DCLK1: variants seen among roughly 807,000 people sequenced by gnomAD.
DCLK1 encodes the protein serine/threonine-protein kinase DCLK1.
In DCLK1, 16 loss-of-function variants were observed where a neutral mutation model predicts 86.2. That is an observed-to-expected ratio of 0.19 (90% CI 0.13 to 0.28). DCLK1 has a LOEUF of 0.28. DCLK1 is among the 10% of genes least tolerant of loss of function. The pLI, the probability that DCLK1 is intolerant of heterozygous loss-of-function variation, is 1.00. For missense variants in DCLK1, 590 were observed against 940.2 expected (o/e 0.63, Z 4.87); for synonymous variants, 369 against 370.5 (o/e 1.00, Z 0.05).
chr13:35,884,983 C>T (rs775393847), intron 4 of DCLK1, among the ~76,000 whole-genome samples: 2 of 152,158 alleles, frequency 1.3e-5, no homozygotes, highest in Non-Finnish European at 2.9e-5. Flanking sequence ...GCAAGATGAG[C>T]CTGCCTTGTT....
intron 5 of DCLK1, among the ~76,000 whole-genome samples, chr13:35,867,965 G>GAAAGAAAGAAAGAAAGAAAGAA (rs1380990336): frequency 7.0e-6 from 1 of 142,814 alleles, no homozygotes. Context: ...AAGAAAGAAA[G>GAAAGAAAGAAAGAAAGAAAGAA]AGAAAAAGAA....
chr13:36,127,288 T>TA (rs1886221616), intron 1 of DCLK1, among the ~76,000 whole-genome samples: 1 of 152,034 alleles, frequency 6.6e-6, no homozygotes, highest in Non-Finnish European at 1.5e-5. Context: ...AAGTTGAGTT[T>TA]AAAAAAAGAA....
At position 35,822,746 on chromosome 13, in the gene DCLK1, T is replaced by C; in HGVS notation, c.1537A>G (p.Lys513Glu). The C allele has an allele frequency of 1.2e-6, 2 of 1,614,066 alleles. No individual in the cohort carries two copies. Among genetic ancestry groups the C allele is most frequent in the Non-Finnish European group, 1.7e-6 (2 of 1,179,996 alleles). Residue 513 changes from lysine (K) to glutamate (E), a missense_variant, in exon 11 of 17, where the codon AAG (lysine) becomes GAG (glutamate). By Grantham distance (56) the Lys-to-Glu change is moderately conservative. Coordinates refer to ENST00000360631, the MANE Select transcript of DCLK1 (RefSeq NM_001330071.2). Reference sequence around the variant, plus strand: ...CCTCTTACCAGCAGGTTCTCTGGCTTGATATCACGGTGGACGATGTTCAGG... The same window carrying C: ...CCTCTTACCAGCAGGTTCTCTGGCTCGATATCACGGTGGACGATGTTCAGG... Reference protein sequence around the residue: ...HSLNIVHRDIKPENLLVYEHQ... With the variant: ...HSLNIVHRDIEPENLLVYEHQ...
chr13:35,983,091 T>C (rs922517031), intron 3 of DCLK1, among the ~76,000 whole-genome samples: 4 of 152,018 alleles, frequency 2.6e-5, no homozygotes, highest in African/African-American at 9.7e-5. Flanking sequence ...CTGCTTTACC[T>C]ATCAAGCTTC....
intron 3 of DCLK1, among the ~76,000 whole-genome samples, chr13:36,071,472 A>G (rs1274392155): frequency 6.6e-6 from 1 of 152,162 alleles, no homozygotes; most frequent in Non-Finnish European, 1.5e-5. Flanking sequence ...GAGAGATGAA[A>G]TGGGGTAGAA....
intron 3 of DCLK1, among the ~76,000 whole-genome samples, chr13:35,957,479 C>A (rs1878054729): frequency 6.6e-6 from 1 of 152,112 alleles, no homozygotes; most frequent in Non-Finnish European, 1.5e-5. Flanking sequence ...AGAGACTTGA[C>A]ACATGATGTT....
intron 3 of DCLK1, among the ~76,000 whole-genome samples, chr13:35,969,737 G>T (rs936752818): frequency 1.3e-5 from 2 of 152,116 alleles, no homozygotes; most frequent in Non-Finnish European, 2.9e-5. Flanking sequence ...GTGGTGACTT[G>T]GTTGTTTGCT....
In DCLK1 at chr13:35,948,710, G is replaced by A. The variant is rs558999581; in HGVS notation, c.724-1253C>T. ...AGTTTTTAAAATGGAATTTCTATAAGAGTTTGATAATCAACATTAAGCACG... is the reference window on the plus strand; with the variant it reads ...AGTTTTTAAAATGGAATTTCTATAAAAGTTTGATAATCAACATTAAGCACG... On this transcript the variant is annotated intron_variant, in intron 3 of 16. Coordinates refer to ENST00000360631, the MANE Select transcript of DCLK1 (RefSeq NM_001330071.2). Among the ~76,000 whole-genome samples the A allele has an allele frequency of 2.6e-5, 4 of 152,240 alleles. No homozygotes were observed. The South Asian group carries it at 8.3e-4, about 32-fold the overall frequency.
At chr13:35,901,205 G>A (rs890409295) in intron 4 of DCLK1, among the ~76,000 whole-genome samples, 4 of 152,114 alleles carry the variant, frequency 2.6e-5, no homozygotes, top group Non-Finnish European at 5.9e-5. Flanking sequence ...TGACAGACTT[G>A]GCCAGGCATG....
At chr13:35,849,864 TG>T (rs1870482703) in intron 6 of DCLK1, 5 of 970,258 alleles carry the variant, frequency 5.2e-6, no homozygotes, top group South Asian at 4.8e-5. Context: ...TAGGTCTGTA[TG>T]GAAAAAAAAA....
chr13:35,788,108 G>C, intron 16 of DCLK1: 1 of 1,071,100 alleles, frequency 9.3e-7, no homozygotes, highest in Non-Finnish European at 1.5e-6. Context: ...ATATGGACTG[G>C]ATAACAAATC....
intron 4 of DCLK1, among the ~76,000 whole-genome samples, chr13:35,879,730 C>T (rs1872777555): frequency 6.6e-6 from 1 of 152,178 alleles, no homozygotes; most frequent in African/African-American, 2.4e-5. Flanking sequence ...AGACACCGGG[C>T]ATGAAAAGCT....
chr13:35,852,582 T>A (rs940984163), intron 6 of DCLK1, among the ~76,000 whole-genome samples: 5 of 152,198 alleles, frequency 3.3e-5, no homozygotes, highest in African/African-American at 4.8e-5. Flanking sequence ...AAATGAAGAA[T>A]CTATAAGAAA....
In DCLK1 at chr13:35,768,808, C is replaced by T. The variant is rs923368495; in HGVS notation, c.*5727G>A. 3.3e-5 allele frequency: 5 copies of T among 152,124 alleles called. No homozygotes were observed. Among genetic ancestry groups the T allele is most frequent in the Admixed American group, 2.0e-4 (3 of 15,268 alleles). The allele number at this position is 152,124 out of a possible 1,614,324, so 9.4% of individuals were successfully genotyped here. On this transcript the variant is annotated 3_prime_UTR_variant, in exon 17 of 17. Coordinates refer to ENST00000360631, the MANE Select transcript of DCLK1 (RefSeq NM_001330071.2). ...ACATGTGGGAAAGCTACACTCTGAC[C>T]GCATGACTAATTTTTAAAGCCTTGC...
chr13:35,822,476 C>A (rs1356771030), intron 11 of DCLK1, among the ~76,000 whole-genome samples: 1 of 152,084 alleles, frequency 6.6e-6, no homozygotes, highest in African/African-American at 2.4e-5. Flanking sequence ...TTCAATACAG[C>A]CCTACCCTTC....
At chr13:35,804,461 C>G (rs2086987071) in intron 15 of DCLK1, among the ~76,000 whole-genome samples, 1 of 150,966 alleles carries the variant, frequency 6.6e-6, no homozygotes, top group Non-Finnish European at 1.5e-5. Context: ...GAGATGGAGT[C>G]TCAATCTTTT....
intron 4 of DCLK1, among the ~76,000 whole-genome samples, chr13:35,922,978 A>G (rs1875884295): frequency 6.6e-6 from 1 of 152,180 alleles, no homozygotes; most frequent in Non-Finnish European, 1.5e-5. Context: ...GGAACGATGC[A>G]CCAGAAATGA....
rs759266513 is a variant in DCLK1 at position 35,808,242 on chromosome 13, A to G, written c.1845T>C (p.Asn615=). The G allele has an allele frequency of 7.4e-6, 12 of 1,613,820 alleles. No homozygotes were observed. In the African/African-American group the frequency reaches 9.3e-5, roughly 13 times the overall value. ...QVDFPSPYWD[N]VSDSAKELIT... The stretch of plus-strand genomic sequence containing the variant: ...CACCTACCTTTGCAGAATCGGAAAC[A>G]TTATCCCAGTATGGAGAAGGAAAGT... Residue 615 remains asparagine (N), a synonymous_variant, in exon 14 of 17, where the codon AAT becomes AAC. Transcript: ENST00000360631.
intron 4 of DCLK1, among the ~76,000 whole-genome samples, chr13:35,914,353 A>ATATATATACGTG (rs1466366462): frequency 0.011 from 192 of 16,796 alleles, 5 homozygotes; most frequent in African/African-American, 0.038. Flanking sequence ...ATATATACAT[A>ATATATATACGTG]TATATATATA....
Sources: allele counts gnomAD v4.1 joint callset (sites outside exome capture counted in the v4.1 genomes callset), GRCh38; gene constraint gnomAD v4.1.1; transcripts MANE v1.5; gene names NCBI Gene and HGNC (gene_info 2026-07-23, HGNC 2026-07-21).